The following RADIL variants were observed in gnomAD, a reference collection of about 807,000 sequenced individuals.
The protein encoded by RADIL is Rap associating with DIL domain, also known as ras-associating and dilute domain-containing protein.
RADIL carries 99 observed loss-of-function variants against 97.6 expected under a neutral mutation model. That is an observed-to-expected ratio of 1.01 (90% CI 0.86 to 1.20). RADIL has a LOEUF of 1.20. RADIL is among the 50% of genes most tolerant of loss of function. The probability of loss-of-function intolerance (pLI) is 0.00; values close to 1 mark genes in which losing one functional copy is unlikely to be tolerated. For synonymous variants in RADIL, 803 were observed against 691.8 expected, an observed-to-expected ratio of 1.16 and a Z score of -2.52; for missense variants, 1,765 against 1,498.9, an observed-to-expected ratio of 1.18 and a Z score of -2.93.
Position 4,799,891 on chromosome 7 carries a change from T to C in RADIL, c.2983-122A>G, listed in dbSNP as rs6963755. The C allele has an allele frequency of 0.01, 14,252 of 1,359,320 alleles. 1,169 individuals are homozygous for C. In the African/African-American group the frequency reaches 0.18, roughly 17 times the overall value. 84.2% of individuals were successfully genotyped at this position (1,359,320 alleles called of 1,614,324 possible). ...CCTGGCATCCAGCCAGGCCCACTCA[T>C]GGTTTCACGCGTCCCTCCAGAAAAG... is the stretch of plus-strand genomic sequence containing the variant. On this transcript the variant is annotated intron_variant, in intron 13 of 14. Transcript: ENST00000399583.
rs1056376453 is a variant in RADIL, at chr7:4,872,705, T to C, written c.535+4900A>G. On this transcript the variant is annotated intron_variant, in intron 2 of 14. Coordinates refer to ENST00000399583, the MANE Select transcript of RADIL (RefSeq NM_018059.5). This position sits in a 1 kb window ranked among gnomAD's most constrained non-coding sequence, Gnocchi z 5.8. ...GAAATCAGGGGGAACCTGGTGGCTA[T>C]GAGAAGGAGACATTTATGGAAAACA... Among the ~76,000 whole-genome samples, 3 of 152,124 alleles carry C rather than the reference T, an allele frequency of 2.0e-5. No homozygotes were observed. Among genetic ancestry groups the C allele is most frequent in the Non-Finnish European group, 4.4e-5 (3 of 68,020 alleles).
At chr7:4,829,198 G>A (rs1783074768) in intron 5 of RADIL, among the ~76,000 whole-genome samples, 1 of 152,228 alleles carries the variant, frequency 6.6e-6, no homozygotes, top group Non-Finnish European at 1.5e-5. Context: ...CGTGGGTCAG[G>A]CTGTCCATCA....
Position 4,838,218 on chromosome 7 carries a change from T to C in RADIL, c.536-1613A>G, listed in dbSNP as rs943240703. Among the ~76,000 whole-genome samples the C allele has an allele frequency of 4.3e-3, 637 of 149,518 alleles. 5 individuals are homozygous for C. The highest frequency in any genetic ancestry group is 0.015 in the African/African-American group (603 of 40,822). On this transcript the variant is annotated intron_variant, in intron 2 of 14. Transcript: ENST00000399583. ...GGTGGGGCCCAGTTCCCCTACCTCA[T>C]CCCACCCGCCACTCCCACAAGCGTT...
rs1784410443 is a variant in RADIL, at chr7:4,878,032, G to A, written c.108C>T (p.Tyr36=). Residue 36 remains tyrosine (Y), a synonymous_variant, in exon 2 of 15, where the codon TAC becomes TAT. Coordinates refer to ENST00000399583, the MANE Select transcript of RADIL (RefSeq NM_018059.5). The surrounding 1 kb of genome is among the most constrained non-coding windows in gnomAD (Gnocchi z 4.1). ...SMLSRTLSYK[Y]RDLDSTFSSL... The stretch of plus-strand genomic sequence containing the variant: ...TGGAGAAGGTGGAGTCCAGGTCCCG[G>A]TACTTGTAGCTCAGCGTCCGGGACA... The A allele has an allele frequency of 1.2e-6, 2 of 1,609,358 alleles. No homozygotes were observed. The highest frequency in any genetic ancestry group is 1.7e-6 in the Non-Finnish European group (2 of 1,178,636).
chr7:4,870,665 A>G (rs1432494064), intron 2 of RADIL, among the ~76,000 whole-genome samples: 1 of 152,114 alleles, frequency 6.6e-6, no homozygotes, highest in Non-Finnish European at 1.5e-5. Context: ...GCTGGTCTGG[A>G]ACTCCTGACC....
intron 2 of RADIL, among the ~76,000 whole-genome samples, chr7:4,875,105 T>C (rs1784341667): frequency 1.4e-5 from 2 of 143,808 alleles, no homozygotes; most frequent in Admixed American, 1.3e-4. Flanking sequence ...GGCAGGAGAA[T>C]GGCGTGAACC....
At position 4,815,500 on chromosome 7, in the gene RADIL, A is replaced by T; in HGVS notation, c.1967-50T>A. 3.5e-6 allele frequency: 5 copies of T among 1,445,004 alleles called. No homozygotes were observed. Among genetic ancestry groups the T allele is most frequent in the Non-Finnish European group, 4.6e-6 (5 of 1,092,340 alleles). The allele number at this position is 1,445,004 out of a possible 1,614,324, so 89.5% of individuals were successfully genotyped here. On this transcript the variant is annotated intron_variant, in intron 8 of 14. Transcript: ENST00000399583. The surrounding 1 kb of genome is among the most constrained non-coding windows in gnomAD (Gnocchi z 8.0). ...ATGCCTGGGCTGCCCTCCTGGGGGG[A>T]CACAGACATGGGCCTGTCCCCAGAG...
rs1782733236 is a variant in RADIL, at chr7:4,818,300, C to T, written c.1616-949G>A. Among the ~76,000 whole-genome samples, 1 of 152,196 alleles carries T rather than the reference C, an allele frequency of 6.6e-6. No homozygotes were observed. The highest frequency in any genetic ancestry group is 2.4e-5 in the African/African-American group (1 of 41,446). Reference sequence around the variant, plus strand: ...CCAGGAGCACAGGCCCCCAGCTGCCCCTCTGCCGGGCAGACTGCACCGGAG... The same window carrying T: ...CCAGGAGCACAGGCCCCCAGCTGCCTCTCTGCCGGGCAGACTGCACCGGAG... On this transcript the variant is annotated intron_variant, in intron 6 of 14. Transcript: ENST00000399583. The surrounding 1 kb of genome is among the most constrained non-coding windows in gnomAD (Gnocchi z 7.1).
intron 5 of RADIL, among the ~76,000 whole-genome samples, chr7:4,825,856 T>TG (rs1364536089): frequency 3.9e-5 from 5 of 127,016 alleles, no homozygotes; most frequent in African/African-American, 1.6e-4. Flanking sequence ...TACTCCAGCC[T>TG]GGGCTACAGA....
chr7:4,817,160 GGA>G lies in RADIL; in HGVS notation c.1728+77_1728+78del, dbSNP rs760156950. 139 of 1,300,364 alleles carry G rather than the reference GGA, an allele frequency of 1.1e-4. No homozygotes were observed. Among genetic ancestry groups the G allele is most frequent in the Non-Finnish European group, 1.4e-4 (132 of 922,146 alleles). 80.6% of individuals were successfully genotyped at this position (1,300,364 alleles called of 1,614,324 possible). ...CCTCAGCCCCCCAGAAGGCTCCTTA[GGA>G]GAGCCACAGGCACAAGCTTGAGCCC... On this transcript the variant is annotated intron_variant, in intron 7 of 14. Coordinates refer to ENST00000399583, the MANE Select transcript of RADIL (RefSeq NM_018059.5). The surrounding 1 kb of genome is among the most constrained non-coding windows in gnomAD (Gnocchi z 8.3).
Position 4,878,279 on chromosome 7 carries a change from C to A in RADIL, c.-64-76G>T. 1.0e-6 allele frequency: 1 copy of A among 970,192 alleles called. No homozygotes were observed. Among genetic ancestry groups the A allele is most frequent in the Non-Finnish European group, 1.5e-6 (1 of 680,796 alleles). The allele number at this position is 970,192 out of a possible 1,614,324, so 60.1% of individuals were successfully genotyped here. A position where few individuals can be genotyped will look rare whatever the true frequency, so the allele number is the denominator to read the frequency against. On this transcript the variant is annotated intron_variant, in intron 1 of 14. Transcript: ENST00000399583. The surrounding 1 kb of genome is among the most constrained non-coding windows in gnomAD (Gnocchi z 4.1). Reference sequence around the variant, plus strand: ...GCAAATGAGGCCACAGGCGGTGACTCCTGCCCGTCATCCCAGCGCTTTAGA... The same window carrying A: ...GCAAATGAGGCCACAGGCGGTGACTACTGCCCGTCATCCCAGCGCTTTAGA...
rs1212252111 is a variant in RADIL, at chr7:4,801,957, G to T, written c.2538C>A (p.Ala846=). Residue 846 remains alanine, a synonymous_variant, in exon 12 of 15, where the codon GCC becomes GCA. Transcript: ENST00000399583. ...HHVVLDGHLE[A]PSCPLAPRDP... ...CCCTGGGAGCCAGGGGGCAGCTCGG[G>T]GCCTCCAGGTGCCCGTCAAGGACCA... 1 of 1,556,826 alleles carries T rather than the reference G, an allele frequency of 6.4e-7. No individual in the cohort carries two copies. The highest frequency in any genetic ancestry group is 1.2e-5 in the South Asian group (1 of 83,538).
Position 4,815,013 on chromosome 7 carries a change from G to T in RADIL, c.2139+265C>A, listed in dbSNP as rs1031777140. ...TCAAGGTCCTTAATCGTAGTCACAC[G>T]TACAGAGGCTTCTTTGCCATGTGGG... On this transcript the variant is annotated intron_variant, in intron 9 of 14. Coordinates refer to ENST00000399583, the MANE Select transcript of RADIL (RefSeq NM_018059.5). The surrounding 1 kb of genome is among the most constrained non-coding windows in gnomAD (Gnocchi z 8.0). Among the ~76,000 whole-genome samples the T allele has an allele frequency of 6.6e-6, 1 of 152,188 alleles. No homozygotes were observed. The highest frequency in any genetic ancestry group is 2.4e-5 in the African/African-American group (1 of 41,446).
chr7:4,859,957 T>G (rs1412165223), intron 2 of RADIL: 2 of 1,614,036 alleles, frequency 1.2e-6, no homozygotes, highest in East Asian at 2.2e-5. Context: ...TTATGAGACA[T>G]GTTGAAGAAA....
chr7:4,859,716 C>T, intron 2 of RADIL: 1 of 588,184 alleles, frequency 1.7e-6, no homozygotes, highest in Non-Finnish European at 3.0e-6. Flanking sequence ...ATTGGATTTG[C>T]AGGGAGAACA....
intron 5 of RADIL, among the ~76,000 whole-genome samples, chr7:4,827,151 G>A (rs1783005259): frequency 6.6e-6 from 1 of 152,102 alleles, no homozygotes; most frequent in Non-Finnish European, 1.5e-5. Context: ...GATTGCTTGA[G>A]GTCAGGAGTT....
intron 13 of RADIL, 77 bp from the exon 14 acceptor site, chr7:4,799,846 T>G: frequency 7.0e-7 from 1 of 1,434,082 alleles, no homozygotes; most frequent in Non-Finnish European, 9.1e-7. Flanking sequence ...AGCCCCTCCC[T>G]TGGCACCTAC....
chr7:4,876,352 G>A (rs1370694821), intron 2 of RADIL, among the ~76,000 whole-genome samples: 2 of 151,994 alleles, frequency 1.3e-5, no homozygotes, highest in East Asian at 1.9e-4. Context: ...CCAGGCTGGA[G>A]AGCAATGGCA....
At chr7:4,868,948 G>A (rs1784192033) in intron 2 of RADIL, among the ~76,000 whole-genome samples, 1 of 152,142 alleles carries the variant, frequency 6.6e-6, no homozygotes, top group Non-Finnish European at 1.5e-5. Context: ...CTAACATGGT[G>A]AAACCCTGTC....
Sources: allele counts gnomAD v4.1 joint callset (sites outside exome capture counted in the v4.1 genomes callset), GRCh38; gene constraint gnomAD v4.1.1; non-coding constraint Gnocchi (gnomAD v3.1); transcripts MANE v1.5; gene names NCBI Gene and HGNC (gene_info 2026-07-23, HGNC 2026-07-21).